SEMA5A: variants seen among roughly 807,000 people sequenced by gnomAD.
The protein encoded by SEMA5A is semaphorin 5A.
SEMA5A carries 55 observed loss-of-function variants against 135.5 expected under a neutral mutation model. The ratio of observed to expected loss-of-function variants is 0.41; its 90% CI spans 0.33 to 0.51. The LOEUF (loss-of-function observed/expected upper bound fraction) is 0.51, where lower values mean the gene tolerates loss of function less well. Among genes scored for constraint, SEMA5A ranks in the 20% least tolerant of loss-of-function variants. The probability of loss-of-function intolerance (pLI) is 0.37; values close to 1 mark genes in which losing one functional copy is unlikely to be tolerated. For synonymous variants in SEMA5A, 580 were observed against 546.5 expected (o/e 1.06, Z -0.85); for missense variants, 1,290 against 1,419.9 (o/e 0.91, Z 1.47).
At chr5:9,532,440 C>CTTTTTTTTTT (rs4045370) in intron 1 of SEMA5A, among the ~76,000 whole-genome samples, 33 of 125,136 alleles carry the variant, frequency 2.6e-4, no homozygotes, top group East Asian at 4.7e-4. Flanking sequence ...TAATTTTTTT[C>CTTTTTTTTTT]TTTTTTTTTT....
Position 9,201,972 on chromosome 5 carries a change from G to T in SEMA5A, c.915C>A (p.Gly305=). The T allele has an allele frequency of 6.2e-7, 1 of 1,614,068 alleles. No homozygotes were observed. Among genetic ancestry groups the T allele is most frequent in the Non-Finnish European group, 8.5e-7 (1 of 1,179,924 alleles). The change falls in exon 9 of 23, where the codon GGC becomes GGA. Residue 305 remains glycine (G), a synonymous_variant. Coordinates refer to ENST00000382496, the MANE Select transcript of SEMA5A (RefSeq NM_003966.3). Reference sequence around the variant, plus strand: ...TTACATACACATTGGTGGTAAAGATGCCATAGATCAAATCCAGCTCAGGCA... The same window carrying T: ...TTACATACACATTGGTGGTAAAGATTCCATAGATCAAATCCAGCTCAGGCA... ...FFLPELDLIY[G]IFTTNVNSIA... is the part of the protein sequence containing the mutation.
intron 13 of SEMA5A, among the ~76,000 whole-genome samples, chr5:9,127,158 C>T (rs556209822): frequency 2.1e-4 from 32 of 152,142 alleles, no homozygotes; most frequent in Admixed American, 3.3e-4. Context: ...GGTTAGCCTG[C>T]GACGTTAAAA....
At chr5:9,157,069 G>C (rs1012775689) in intron 11 of SEMA5A, among the ~76,000 whole-genome samples, 1 of 152,246 alleles carries the variant, frequency 6.6e-6, no homozygotes, top group African/African-American at 2.4e-5. Flanking sequence ...GGGCTTGCAT[G>C]CTGGTCCACA....
chr5:9,534,808 G>T (rs939592311), intron 1 of SEMA5A, among the ~76,000 whole-genome samples: 11 of 152,150 alleles, frequency 7.2e-5, no homozygotes, highest in Non-Finnish European at 1.5e-4. Flanking sequence ...TTCTCCTCTA[G>T]CCATAGTCCA....
At chr5:9,511,426 A>T (rs1263713653) in intron 1 of SEMA5A, 1 of 152,208 alleles carries the variant, frequency 6.6e-6, no homozygotes, top group Non-Finnish European at 1.5e-5. Flanking sequence ...TCCAACGGTG[A>T]AAACTATCTC....
At chr5:9,066,739 T>C (rs1737494849) in intron 16 of SEMA5A, 93 bp from the exon 17 acceptor site, 2 of 1,043,358 alleles carry the variant, frequency 1.9e-6, no homozygotes, top group South Asian at 1.4e-5. Flanking sequence ...TAAGGGTCTC[T>C]AAAACACCAG....
At chr5:9,223,694 A>G (rs545491804) in intron 8 of SEMA5A, among the ~76,000 whole-genome samples, 6 of 152,356 alleles carry the variant, frequency 3.9e-5, no homozygotes, top group Admixed American at 3.3e-4. Context: ...AAACTATCAA[A>G]TAAATGCTTG....
At chr5:9,109,112 C>T (rs1740099056) in intron 15 of SEMA5A, among the ~76,000 whole-genome samples, 2 of 136,270 alleles carry the variant, frequency 1.5e-5, no homozygotes, top group African/African-American at 5.5e-5. Flanking sequence ...GTGATCTCGG[C>T]TCACTGCAAG....
At chr5:9,454,545 G>A (rs1327516210) in intron 1 of SEMA5A, among the ~76,000 whole-genome samples, 4 of 152,174 alleles carry the variant, frequency 2.6e-5, no homozygotes, top group Non-Finnish European at 5.9e-5. Flanking sequence ...AGCCAGTGCT[G>A]TTTTTTTCCA....
At chr5:9,236,193 A>G (rs1290917632) in intron 6 of SEMA5A, among the ~76,000 whole-genome samples, 1 of 152,186 alleles carries the variant, frequency 6.6e-6, no homozygotes, top group Non-Finnish European at 1.5e-5. Context: ...GCCAAACCAT[A>G]TCAGGCATCA....
chr5:9,052,084 CTAGACTCACTGGCAAGT>C, intron 19 of SEMA5A, 56 bp from the exon 20 acceptor site: 1 of 1,471,052 alleles, frequency 6.8e-7, no homozygotes, highest in Non-Finnish European at 9.0e-7. Flanking sequence ...CTCAATCATC[CTAGACTCACTGGCAAGT>C]TACATATGTG....
At chr5:9,466,567 T>G (rs1759270411) in intron 1 of SEMA5A, among the ~76,000 whole-genome samples, 3 of 152,130 alleles carry the variant, frequency 2.0e-5, no homozygotes, top group African/African-American at 7.2e-5. Flanking sequence ...AAACTTAGAA[T>G]GATTCTGAGA....
intron 13 of SEMA5A, among the ~76,000 whole-genome samples, chr5:9,131,599 C>T (rs1741421930): frequency 9.0e-6 from 1 of 111,230 alleles, no homozygotes; most frequent in Non-Finnish European, 1.7e-5. Flanking sequence ...CAGAGCGAGA[C>T]TCCATCTCAA....
At chr5:9,222,562 T>C (rs1747066835) in intron 8 of SEMA5A, among the ~76,000 whole-genome samples, 1 of 152,216 alleles carries the variant, frequency 6.6e-6, no homozygotes, top group South Asian at 2.1e-4. Flanking sequence ...CCTTGTGGCC[T>C]GAGTGGTAGA....
intron 3 of SEMA5A, among the ~76,000 whole-genome samples, chr5:9,346,675 C>A (rs574838098): frequency 1.3e-5 from 2 of 152,188 alleles, no homozygotes; most frequent in Non-Finnish European, 2.9e-5. Context: ...GTGGAACTCA[C>A]CCCTGCTAGT....
intron 4 of SEMA5A, among the ~76,000 whole-genome samples, chr5:9,327,185 T>C (rs964137846): frequency 6.6e-6 from 1 of 152,184 alleles, no homozygotes; most frequent in African/African-American, 2.4e-5. Context: ...TTAATTCTTT[T>C]GTGAGTTTTT....
At chr5:9,433,859 C>T (rs1340500844) in intron 2 of SEMA5A, among the ~76,000 whole-genome samples, 1 of 152,148 alleles carries the variant, frequency 6.6e-6, no homozygotes, top group Non-Finnish European at 1.5e-5. Context: ...ACAAAGCCAA[C>T]TGGCAGATTT....
intron 5 of SEMA5A, among the ~76,000 whole-genome samples, chr5:9,305,707 C>CATATATATAT (rs1561128483): frequency 2.1e-4 from 9 of 42,852 alleles, no homozygotes; most frequent in African/African-American, 4.6e-4. Context: ...TGTGTGTGTG[C>CATATATATAT]GTATATATAT....
chr5:9,150,154 G>T (rs1426408947), intron 12 of SEMA5A, among the ~76,000 whole-genome samples: 1 of 152,080 alleles, frequency 6.6e-6, no homozygotes, highest in Non-Finnish European at 1.5e-5. Context: ...CCACTTTAAA[G>T]ACCACATGAT....
Sources: allele counts gnomAD v4.1 joint callset (sites outside exome capture counted in the v4.1 genomes callset), GRCh38; gene constraint gnomAD v4.1.1; transcripts MANE v1.5; gene names NCBI Gene and HGNC (gene_info 2026-07-23, HGNC 2026-07-21).